Variants in SRD5A1 observed in about 807,000 individuals in gnomAD.
SRD5A1 encodes the protein steroid 5 alpha-reductase 1, also known as 3-oxo-5-alpha-steroid 4-dehydrogenase 1.
In SRD5A1, 22 loss-of-function variants were observed where a neutral mutation model predicts 28.2. The observed-to-expected ratio is 0.78, with a 90% CI of 0.56 to 1.12. The LOEUF (loss-of-function observed/expected upper bound fraction) is 1.12. SRD5A1 is among the 50% of genes most tolerant of loss of function. SRD5A1 has a pLI of 0.00. For missense variants in SRD5A1, 300 were observed against 346.7 expected (o/e 0.87, Z 1.07); for synonymous variants, 151 against 135.0 (o/e 1.12, Z -0.82).
At chr5:6,653,757 A>G (rs1738753279) in intron 2 of SRD5A1, among the ~76,000 whole-genome samples, 4 of 152,222 alleles carry the variant, frequency 2.6e-5, no homozygotes, top group Non-Finnish European at 5.9e-5. Context: ...CAACAACAGA[A>G]GAACCCTCCT....
At chr5:6,659,659 G>C (rs577231338) in intron 3 of SRD5A1, among the ~76,000 whole-genome samples, 1 of 152,340 alleles carries the variant, frequency 6.6e-6, no homozygotes, top group East Asian at 1.9e-4. Flanking sequence ...TCATCTGCAC[G>C]TGCCATGAGT....
At chr5:6,640,000 A>G (rs2126526701) in intron 1 of SRD5A1, among the ~76,000 whole-genome samples, 1 of 152,316 alleles carries the variant, frequency 6.6e-6, no homozygotes, top group East Asian at 1.9e-4. Flanking sequence ...TACTTTTAGC[A>G]GTTGGTAAGT....
intron 3 of SRD5A1, among the ~76,000 whole-genome samples, chr5:6,660,572 T>C (rs1394979826): frequency 6.6e-6 from 1 of 152,250 alleles, no homozygotes; most frequent in Non-Finnish European, 1.5e-5. Flanking sequence ...CTAAGCTCCA[T>C]GGCCCAGAAG....
At chr5:6,647,530 C>CT (rs1476466702) in intron 1 of SRD5A1, among the ~76,000 whole-genome samples, 2 of 151,944 alleles carry the variant, frequency 1.3e-5, no homozygotes, top group Non-Finnish European at 2.9e-5. Context: ...CCATTATGCC[C>CT]TTCTTCGTCT....
At chr5:6,661,955 A>G (rs1420631699) in intron 3 of SRD5A1, among the ~76,000 whole-genome samples, 1 of 152,214 alleles carries the variant, frequency 6.6e-6, no homozygotes, top group African/African-American at 2.4e-5. Flanking sequence ...ACACTTGAGT[A>G]ACCACAAAGC....
At chr5:6,665,669 A>T (rs540954029) in intron 4 of SRD5A1, among the ~76,000 whole-genome samples, 164 of 152,300 alleles carry the variant, frequency 1.1e-3, no homozygotes, top group Non-Finnish European at 1.7e-3. Context: ...TCATTAAAAG[A>T]AACAAATGAG....
chr5:6,634,003 G>T, intron 1 of SRD5A1, 134 bp downstream of exon 1: 1 of 968,132 alleles, frequency 1.0e-6, no homozygotes, highest in Non-Finnish European at 1.5e-6. Flanking sequence ...ATCCCCCGGG[G>T]CGTCCCCCAT....
intron 4 of SRD5A1, among the ~76,000 whole-genome samples, chr5:6,664,660 C>T (rs187878592): frequency 1.3e-5 from 2 of 152,372 alleles, no homozygotes; most frequent in Admixed American, 1.3e-4. Flanking sequence ...CACACCTCAG[C>T]CTCCTGAAGT....
intron 1 of SRD5A1, among the ~76,000 whole-genome samples, chr5:6,650,060 C>A (rs1248540184): frequency 1.3e-5 from 2 of 152,040 alleles, no homozygotes; most frequent in African/African-American, 2.4e-5. Flanking sequence ...TTCATGTTGT[C>A]TTTCTTTCTT....
At chr5:6,649,494 G>A (rs1738603676) in intron 1 of SRD5A1, among the ~76,000 whole-genome samples, 1 of 152,182 alleles carries the variant, frequency 6.6e-6, no homozygotes, top group Non-Finnish European at 1.5e-5. Context: ...ACCTCAAACT[G>A]CTCTGGAGCA....
chr5:6,635,353 A>T (rs187796736), intron 1 of SRD5A1, among the ~76,000 whole-genome samples: 4 of 152,240 alleles, frequency 2.6e-5, no homozygotes, highest in African/African-American at 9.6e-5. Context: ...CTACAATTTG[A>T]ATATTAGTCA....
chr5:6,644,591 T>TA (rs1425516513), intron 1 of SRD5A1, among the ~76,000 whole-genome samples: 14 of 152,178 alleles, frequency 9.2e-5, no homozygotes, highest in Non-Finnish European at 1.9e-4. Flanking sequence ...CTCAGCTTGG[T>TA]ACACTGAGGG....
At chr5:6,655,656 A>G (rs1738810703) in intron 2 of SRD5A1, among the ~76,000 whole-genome samples, 1 of 152,260 alleles carries the variant, frequency 6.6e-6, no homozygotes, top group Non-Finnish European at 1.5e-5. Context: ...AGAGCAGCAC[A>G]GGAGCATCAC....
chr5:6,642,310 A>G (rs1478291686), intron 1 of SRD5A1, among the ~76,000 whole-genome samples: 1 of 152,202 alleles, frequency 6.6e-6, no homozygotes, highest in Admixed American at 6.5e-5. Flanking sequence ...ATTGAGCATG[A>G]TCATCACTTG....
intron 1 of SRD5A1, among the ~76,000 whole-genome samples, chr5:6,645,564 G>C (rs1283923645): frequency 6.6e-6 from 1 of 151,810 alleles, no homozygotes; most frequent in South Asian, 2.1e-4. Context: ...GCTTCAACCC[G>C]GGAGGCGGAG....
In SRD5A1 at chr5:6,672,639, C is replaced by G. The variant is rs1446258065; in HGVS notation, c.*4371C>G. 6.6e-6 allele frequency: 1 copy of G among 152,198 alleles called. No individual in the cohort carries two copies. The highest frequency in any genetic ancestry group is 1.5e-5 in the Non-Finnish European group (1 of 68,040). 9.4% of individuals were successfully genotyped at this position (152,198 alleles called of 1,614,324 possible). A position where few individuals can be genotyped will look rare whatever the true frequency, so the allele number is the denominator to read the frequency against. On this transcript the variant is annotated 3_prime_UTR_variant, in exon 5 of 5. Coordinates refer to ENST00000274192, the MANE Select transcript of SRD5A1 (RefSeq NM_001047.4). ...GCTGTTGTCTATATATCAATTTTGTCTACCCAACACAGCTGTAAACTTCTC... is the reference window on the plus strand; with the variant it reads ...GCTGTTGTCTATATATCAATTTTGTGTACCCAACACAGCTGTAAACTTCTC...
chr5:6,644,537 C>T (rs1738452410), intron 1 of SRD5A1, among the ~76,000 whole-genome samples: 3 of 152,184 alleles, frequency 2.0e-5, no homozygotes, highest in Admixed American at 6.5e-5. Context: ...CATTGAGAAT[C>T]TCCTAAGCTG....
chr5:6,668,204 G>A lies in SRD5A1; in HGVS notation c.716G>A (p.Trp239Ter). The A allele has an allele frequency of 6.4e-7, 1 of 1,565,826 alleles. No homozygotes were observed. Among genetic ancestry groups the A allele is most frequent in the Non-Finnish European group, 8.7e-7 (1 of 1,154,360 alleles). Residue 239 changes from tryptophan to a stop codon, truncating the protein, a stop_gained and splice_region_variant, in exon 5 of 5, where the codon TGG becomes TAG. Coordinates refer to ENST00000274192, the MANE Select transcript of SRD5A1 (RefSeq NM_001047.4). LOFTEE classifies it high-confidence loss of function. ...CTTTTTTAATTTTTTTTTCTTAGGT[G>A]GTACCTCCGGAAATTTGAAGAGTAT... The part of the protein sequence containing the change: ...LSGRAKEHHE[W>*]YLRKFEEYPK...
chr5:6,642,212 CCT>C (rs1491343475), intron 1 of SRD5A1, among the ~76,000 whole-genome samples: 13 of 95,060 alleles, frequency 1.4e-4, no homozygotes, highest in African/African-American at 6.8e-4. Flanking sequence ...TGTAAATGTT[CCT>C]CTCAGTGTTG....
Sources: allele counts gnomAD v4.1 joint callset (sites outside exome capture counted in the v4.1 genomes callset), GRCh38; gene constraint gnomAD v4.1.1; transcripts MANE v1.5; gene names NCBI Gene and HGNC (gene_info 2026-07-23, HGNC 2026-07-21).